The following SGK1 variants were observed in gnomAD, a reference collection of about 807,000 sequenced individuals.
SGK1 encodes the protein serum/glucocorticoid regulated kinase 1, also known as serine/threonine-protein kinase Sgk1.
Under a neutral mutation model 64.2 loss-of-function variants are expected in SGK1, and 26 were observed. The ratio of observed to expected loss-of-function variants is 0.40; its 90% CI spans 0.30 to 0.56. The LOEUF (loss-of-function observed/expected upper bound fraction) is 0.56. Ranked by LOEUF, SGK1 falls within the 20% of genes least tolerant of loss-of-function variation. SGK1 has a pLI of 0.38. For synonymous variants in SGK1, 265 were observed against 239.7 expected, an observed-to-expected ratio of 1.11 and a Z score of -0.98; for missense variants, 519 against 645.6, an observed-to-expected ratio of 0.80 and a Z score of 2.12.
At chr6:134,282,432 A>C (rs879761261) in intron 1 of SGK1, among the ~76,000 whole-genome samples, 1 of 152,134 alleles carries the variant, frequency 6.6e-6, no homozygotes, top group Non-Finnish European at 1.5e-5. Flanking sequence ...AGGGCGGATC[A>C]CTTGAGGTCA....
intron 2 of SGK1, among the ~76,000 whole-genome samples, chr6:134,214,374 T>C (rs1386748782): frequency 3.3e-5 from 5 of 152,186 alleles, no homozygotes; most frequent in Admixed American, 6.5e-5. Flanking sequence ...GCGGATCAAC[T>C]GAGGTCAGGC....
intron 3 of SGK1, among the ~76,000 whole-genome samples, chr6:134,202,475 C>T (rs529141113): frequency 6.6e-6 from 1 of 152,028 alleles, no homozygotes; most frequent in South Asian, 2.1e-4. Context: ...GAAACCCTGT[C>T]TCTATTAAAA....
At chr6:134,220,015 C>T (rs1210584243) in intron 2 of SGK1, among the ~76,000 whole-genome samples, 7 of 122,412 alleles carry the variant, frequency 5.7e-5, no homozygotes, top group African/African-American at 1.8e-4. Flanking sequence ...GCCGAGATCC[C>T]GCCACTGCAG....
chr6:134,174,835 T>C (rs374382279), intron 3 of SGK1: 66 of 1,613,636 alleles, frequency 4.1e-5, no homozygotes, highest in South Asian at 2.1e-4. Context: ...AGAAAGACGT[T>C]AGCGCTCAAA....
intron 2 of SGK1, among the ~76,000 whole-genome samples, chr6:134,256,357 A>AGT (rs1377514292): frequency 6.6e-6 from 1 of 151,876 alleles, no homozygotes; most frequent in Non-Finnish European, 1.5e-5. Context: ...TATAAGCTAA[A>AGT]GTGTGTGTGT....
chr6:134,306,672 C>G (rs552122591), intron 1 of SGK1, among the ~76,000 whole-genome samples: 1 of 152,040 alleles, frequency 6.6e-6, no homozygotes, highest in East Asian at 2.0e-4. Flanking sequence ...TACAGGCACT[C>G]ACCACCACAC....
At chr6:134,261,462 A>G (rs1206167884) in intron 2 of SGK1, 1 of 245,334 alleles carries the variant, frequency 4.1e-6, no homozygotes, top group African/African-American at 2.2e-5. Flanking sequence ...GACAGTAAAA[A>G]GATCAGTGGT....
rs1774958952 is a variant in SGK1, at chr6:134,170,020, T to G, written c.*248A>C. On this transcript the variant is annotated 3_prime_UTR_variant, in exon 14 of 14. Transcript: ENST00000367858. ...CTCCTGCCTCCGTCTAAGGCGGCAC[T>G]CTAACGCTCGTTTCAGAGATAGCAC... The G allele has an allele frequency of 3.2e-6, 1 of 309,372 alleles. No homozygotes were observed. Among genetic ancestry groups the G allele is most frequent in the African/African-American group, 2.1e-5 (1 of 47,894 alleles). The allele number at this position is 309,372 out of a possible 1,614,324, so 19.2% of individuals were successfully genotyped here. A position where few individuals can be genotyped will look rare whatever the true frequency, so the allele number is the denominator to read the frequency against.
At chr6:134,306,004 T>TA (rs1777529674) in intron 1 of SGK1, among the ~76,000 whole-genome samples, 3 of 152,164 alleles carry the variant, frequency 2.0e-5, no homozygotes, top group Admixed American at 2.0e-4. Flanking sequence ...TAATTGTATG[T>TA]AAAAGAGAAG....
rs917344755 is a variant in SGK1 at position 134,297,286 on chromosome 6, C to A, written c.69+20106G>T. The A allele has an allele frequency of 2.4e-5, 31 of 1,274,020 alleles. No individual in the cohort carries two copies. In the Admixed American group the frequency reaches 4.8e-4, roughly 20 times the overall value. The allele number at this position is 1,274,020 out of a possible 1,614,324, so 78.9% of individuals were successfully genotyped here. ...ATCTCAATGTCCAGGGCCAGCTTGA[C>A]GTTCATCAGCTCCTGGTACACACGC... On this transcript the variant is annotated intron_variant, in intron 1 of 13. Coordinates refer to ENST00000367858, the MANE Select transcript of SGK1 (RefSeq NM_001143676.3).
intron 2 of SGK1, among the ~76,000 whole-genome samples, chr6:134,256,126 T>C (rs1776680457): frequency 6.6e-6 from 1 of 150,868 alleles, no homozygotes; most frequent in Non-Finnish European, 1.5e-5. Flanking sequence ...TTTATATTGC[T>C]AAAACTACTT....
intron 1 of SGK1, among the ~76,000 whole-genome samples, chr6:134,266,771 A>C (rs1157132635): frequency 3.9e-5 from 6 of 152,218 alleles, no homozygotes; most frequent in Non-Finnish European, 7.3e-5. Context: ...TGAAACTTTA[A>C]AAGTTTGAGA....
intron 3 of SGK1, among the ~76,000 whole-genome samples, chr6:134,197,015 T>C (rs1391706068): frequency 6.6e-6 from 1 of 152,138 alleles, no homozygotes; most frequent in Non-Finnish European, 1.5e-5. Flanking sequence ...GACAGATCAC[T>C]TGAGCTTAGG....
chr6:134,302,547 G>A (rs550281656), intron 1 of SGK1, among the ~76,000 whole-genome samples: 4 of 152,220 alleles, frequency 2.6e-5, no homozygotes, highest in South Asian at 4.1e-4. Context: ...TCTTCAGACC[G>A]ACTCATCAGT....
intron 4 of SGK1, 105 bp downstream of exon 4, chr6:134,174,405 AC>A: frequency 1.3e-6 from 1 of 742,510 alleles, no homozygotes. Context: ...TGAGATCCCC[AC>A]CCCAGAAGAA....
intron 1 of SGK1, among the ~76,000 whole-genome samples, chr6:134,286,185 G>T (rs1031207018): frequency 5.9e-5 from 9 of 152,202 alleles, no homozygotes; most frequent in African/African-American, 1.9e-4. Context: ...GATTTGTTTA[G>T]AAGTTATATT....
intron 1 of SGK1, among the ~76,000 whole-genome samples, chr6:134,299,785 C>T (rs1478012248): frequency 6.9e-6 from 1 of 145,718 alleles, no homozygotes; most frequent in East Asian, 2.1e-4. Context: ...CCTCTGGTAG[C>T]TTTTCCAATC....
chr6:134,315,786 T>A (rs1777674373), intron 1 of SGK1, among the ~76,000 whole-genome samples: 1 of 152,008 alleles, frequency 6.6e-6, no homozygotes, highest in Admixed American at 6.5e-5. Flanking sequence ...ACATCTGTAA[T>A]CCCAGCAATT....
At chr6:134,206,277 C>T (rs768686538) in intron 3 of SGK1, among the ~76,000 whole-genome samples, 1 of 146,392 alleles carries the variant, frequency 6.8e-6, no homozygotes, top group Non-Finnish European at 1.5e-5. Flanking sequence ...AGCAAATAGA[C>T]TCATTCCTCA....
Sources: allele counts gnomAD v4.1 joint callset (sites outside exome capture counted in the v4.1 genomes callset), GRCh38; gene constraint gnomAD v4.1.1; transcripts MANE v1.5; gene names NCBI Gene and HGNC (gene_info 2026-07-23, HGNC 2026-07-21).